Variants in PCDH15 observed in about 807,000 individuals in gnomAD.
The protein encoded by PCDH15 is protocadherin-15.
Under a neutral mutation model 178.5 loss-of-function variants are expected in PCDH15, and 129 were observed. The ratio of observed to expected loss-of-function variants is 0.72; its 90% CI spans 0.63 to 0.84. The LOEUF is 0.84. Ranked by LOEUF, PCDH15 falls within the 40% of genes least tolerant of loss-of-function variation. PCDH15 has a pLI of 0.00. For missense variants in PCDH15, 2,230 were observed against 2,099.9 expected (o/e 1.06, Z -1.21); for synonymous variants, 800 against 732.0 (o/e 1.09, Z -1.50).
intron 11 of PCDH15, among the ~76,000 whole-genome samples, chr10:54,191,268 T>C (rs990460483): frequency 2.0e-5 from 3 of 152,130 alleles, no homozygotes; most frequent in Non-Finnish European, 2.9e-5. Context: ...GTTGGAAGTA[T>C]AGAATTAGAG....
At chr10:53,883,991 C>T (rs922350844) in intron 26 of PCDH15, among the ~76,000 whole-genome samples, 1 of 152,032 alleles carries the variant, frequency 6.6e-6, no homozygotes, top group Non-Finnish European at 1.5e-5. Context: ...TCTGGGATTA[C>T]AGGCGTGAGC....
chr10:55,263,728 TTTTATTTTA>T (rs1842206586), intron 1 of PCDH15, among the ~76,000 whole-genome samples: 2 of 152,122 alleles, frequency 1.3e-5, no homozygotes, highest in African/African-American at 4.8e-5. Context: ...TTTTAATTTA[TTTTATTTTA>T]TTATTTTATT....
At chr10:55,452,254 G>A (rs1839452103) in intron 2 of PCDH15, among the ~76,000 whole-genome samples, 1 of 151,856 alleles carries the variant, frequency 6.6e-6, no homozygotes, top group African/African-American at 2.4e-5. Flanking sequence ...GAGTGTAAAT[G>A]CCATTGTGTT....
intron 25 of PCDH15, among the ~76,000 whole-genome samples, chr10:53,917,740 C>T (rs1446775352): frequency 2.0e-5 from 3 of 152,182 alleles, no homozygotes; most frequent in Non-Finnish European, 2.9e-5. Context: ...GACTCCCCTG[C>T]ATCTCATGTT....
chr10:54,020,479 A>G (rs893784230), intron 19 of PCDH15, 63 bp from the exon 20 acceptor site: 10 of 1,463,360 alleles, frequency 6.8e-6, no homozygotes, highest in Admixed American at 1.7e-5. Flanking sequence ...TGCAGGAAGG[A>G]TGGAAGTCAT....
intron 13 of PCDH15, among the ~76,000 whole-genome samples, chr10:54,167,028 T>C (rs2046303349): frequency 2.0e-5 from 3 of 152,050 alleles, no homozygotes; most frequent in Non-Finnish European, 2.9e-5. Context: ...CTTCGCTGAC[T>C]CTCTTTTCGG....
At chr10:54,655,189 C>A (rs1227653941) in intron 2 of PCDH15, among the ~76,000 whole-genome samples, 2 of 144,118 alleles carry the variant, frequency 1.4e-5, no homozygotes, top group South Asian at 2.2e-4. Flanking sequence ...CCAGCCTGGG[C>A]ACAGAGCGAG....
intron 2 of PCDH15, among the ~76,000 whole-genome samples, chr10:54,975,148 G>T (rs964838750): frequency 6.6e-6 from 1 of 152,120 alleles, no homozygotes; most frequent in Non-Finnish European, 1.5e-5. Flanking sequence ...TTCTCATTTG[G>T]TCTATTTGCT....
At chr10:55,406,068 T>TAAA (rs34959833) in intron 2 of PCDH15, among the ~76,000 whole-genome samples, 63 of 143,780 alleles carry the variant, frequency 4.4e-4, no homozygotes, top group African/African-American at 1.6e-3. Context: ...TGTTCCCATC[T>TAAA]AAAAAAAAAA....
intron 1 of PCDH15, among the ~76,000 whole-genome samples, chr10:55,208,843 A>G (rs928485841): frequency 3.3e-5 from 5 of 152,110 alleles, no homozygotes; most frequent in African/African-American, 1.2e-4. Context: ...ACTATATACC[A>G]TGCACTATTT....
chr10:55,348,197 T>G (rs1298510535), intron 2 of PCDH15, among the ~76,000 whole-genome samples: 1 of 152,142 alleles, frequency 6.6e-6, no homozygotes, highest in Non-Finnish European at 1.5e-5. Flanking sequence ...TTAATTCAAT[T>G]TAAAAAATAC....
intron 1 of PCDH15, among the ~76,000 whole-genome samples, chr10:55,238,829 T>TATC (rs1477364710): frequency 2.0e-5 from 3 of 152,066 alleles, no homozygotes; most frequent in Non-Finnish European, 1.5e-5. Context: ...GTAACTGGGG[T>TATC]ATCTATTGCC....
chr10:54,098,976 C>T (rs2094753763), intron 15 of PCDH15, among the ~76,000 whole-genome samples: 1 of 152,088 alleles, frequency 6.6e-6, no homozygotes, highest in Non-Finnish European at 1.5e-5. Flanking sequence ...AAACTGGACA[C>T]CTACGAAGCA....
chr10:53,902,330 T>C (rs984412945), intron 26 of PCDH15, among the ~76,000 whole-genome samples: 3 of 151,974 alleles, frequency 2.0e-5, no homozygotes, highest in African/African-American at 4.8e-5. Flanking sequence ...AAACTACACG[T>C]AAGAAGAGCT....
chr10:54,151,544 G>GA (rs1330675133), intron 14 of PCDH15, among the ~76,000 whole-genome samples: 2 of 150,928 alleles, frequency 1.3e-5, no homozygotes, highest in African/African-American at 4.9e-5. Flanking sequence ...GGGCTAGGGG[G>GA]AAAAAATGTA....
At chr10:55,145,292 G>T (rs1297178924) in intron 2 of PCDH15, among the ~76,000 whole-genome samples, 1 of 152,066 alleles carries the variant, frequency 6.6e-6, no homozygotes, top group African/African-American at 2.4e-5. Flanking sequence ...AGGGAGAAAA[G>T]GTATTCCTGA....
At chr10:55,416,355 C>A (rs1215512933) in intron 2 of PCDH15, among the ~76,000 whole-genome samples, 1 of 151,634 alleles carries the variant, frequency 6.6e-6, no homozygotes, top group South Asian at 2.1e-4. Flanking sequence ...TGTAAGTAAG[C>A]CTTGCTATCC....
At chr10:54,775,272 A>C (rs1018989406) in intron 1 of PCDH15, among the ~76,000 whole-genome samples, 4 of 152,202 alleles carry the variant, frequency 2.6e-5, no homozygotes, top group Admixed American at 6.5e-5. Flanking sequence ...TTAATGACTG[A>C]TGTTTTCACT....
At chr10:54,282,988 A>G (rs1354501427) in intron 8 of PCDH15, among the ~76,000 whole-genome samples, 3 of 152,116 alleles carry the variant, frequency 2.0e-5, no homozygotes, top group African/African-American at 7.2e-5. Context: ...TCAGTAGGTA[A>G]AGTTAAAAAA....
Sources: gnomAD v4.1 joint callset for allele counts (sites outside exome capture counted in the v4.1 genomes callset) on GRCh38, gnomAD v4.1.1 for gene constraint, MANE v1.5 for transcripts, NCBI Gene and HGNC (gene_info 2026-07-23, HGNC 2026-07-21) for gene names.